The following RPTOR variants were observed in gnomAD, a reference collection of about 807,000 sequenced individuals.
RPTOR encodes the protein regulatory associated protein of MTOR complex 1, also known as regulatory-associated protein of mTOR.
Under a neutral mutation model 169.9 loss-of-function variants are expected in RPTOR, and 21 were observed. The observed-to-expected ratio is 0.12, with a 90% CI of 0.09 to 0.18. The LOEUF is 0.18. RPTOR is among the 10% of genes least tolerant of loss of function. RPTOR has a pLI of 1.00. For synonymous variants in RPTOR, 732 were observed against 753.2 expected (o/e 0.97, Z 0.46); for missense variants, 1,133 against 1,855.9 (o/e 0.61, Z 7.16).
chr17:80,820,117 C>T lies in RPTOR; in HGVS notation c.891-2084C>T, dbSNP rs1475743940. Among the ~76,000 whole-genome samples, 1 of 152,272 alleles carries T rather than the reference C, an allele frequency of 6.6e-6. No individual in the cohort carries two copies. The highest frequency in any genetic ancestry group is 1.5e-5 in the Non-Finnish European group (1 of 68,024). ...CCCGTGTCCTCCTTCCTTGCACAGT[C>T]GGGCCACTTATGTGTTTACTGATCC... On this transcript the variant is annotated intron_variant, in intron 7 of 33. Transcript: ENST00000306801. The surrounding 1 kb of genome is among the most constrained non-coding windows in gnomAD (Gnocchi z 4.1).
intron 5 of RPTOR, among the ~76,000 whole-genome samples, chr17:80,745,427 G>A (rs936528661): frequency 6.6e-6 from 1 of 152,140 alleles, no homozygotes; most frequent in Admixed American, 6.5e-5. Flanking sequence ...TCTCAGCCTG[G>A]ATGTGATAGT....
At chr17:80,897,979 C>T (rs559967876) in intron 20 of RPTOR, among the ~76,000 whole-genome samples, 1 of 152,266 alleles carries the variant, frequency 6.6e-6, no homozygotes, top group South Asian at 2.1e-4. Context: ...AGGAGTGCGC[C>T]GTCATTCCCT....
At chr17:80,879,697 C>T (rs898535035) in intron 13 of RPTOR, among the ~76,000 whole-genome samples, 6 of 152,280 alleles carry the variant, frequency 3.9e-5, no homozygotes, top group East Asian at 1.9e-4. Flanking sequence ...ACGACTGTGC[C>T]GAGCCATGGC....
chr17:80,766,546 TGGGG>T (rs2066789320), intron 6 of RPTOR, among the ~76,000 whole-genome samples: 1 of 152,210 alleles, frequency 6.6e-6, no homozygotes, highest in Admixed American at 6.5e-5. Context: ...TTAACATATC[TGGGG>T]TCCAGAAGCA....
chr17:80,853,728 C>T (rs1037514227), intron 11 of RPTOR, among the ~76,000 whole-genome samples: 2 of 152,220 alleles, frequency 1.3e-5, no homozygotes, highest in Non-Finnish European at 2.9e-5. Context: ...CCTGTAATCC[C>T]AGCACTTTGG....
intron 4 of RPTOR, among the ~76,000 whole-genome samples, chr17:80,729,149 C>T (rs748108125): frequency 2.0e-5 from 3 of 152,244 alleles, no homozygotes; most frequent in Non-Finnish European, 4.4e-5. Flanking sequence ...GACAAAGCTT[C>T]TGCAGGCTTC....
intron 21 of RPTOR, among the ~76,000 whole-genome samples, chr17:80,921,795 C>T (rs1369920053): frequency 6.6e-6 from 1 of 152,154 alleles, no homozygotes; most frequent in Non-Finnish European, 1.5e-5. Context: ...CACCACCCTG[C>T]TCCCCACCCT....
intron 2 of RPTOR, among the ~76,000 whole-genome samples, chr17:80,626,984 A>G (rs2065400712): frequency 6.6e-6 from 1 of 152,084 alleles, no homozygotes; most frequent in East Asian, 1.9e-4. Context: ...AGTAACCGCC[A>G]TTCCACCATC....
At chr17:80,849,531 T>G (rs1471082920) in intron 11 of RPTOR, among the ~76,000 whole-genome samples, 1 of 152,208 alleles carries the variant, frequency 6.6e-6, no homozygotes, top group Non-Finnish European at 1.5e-5. Flanking sequence ...ATGGTGTCTA[T>G]TTTTTTGAGA....
At chr17:80,841,152 C>A (rs1375785070) in intron 10 of RPTOR, among the ~76,000 whole-genome samples, 1 of 124,280 alleles carries the variant, frequency 8.0e-6, no homozygotes, top group Non-Finnish European at 1.6e-5. Flanking sequence ...TCACTCTCAC[C>A]GCACGGCAGC....
intron 7 of RPTOR, among the ~76,000 whole-genome samples, chr17:80,819,780 AGT>A (rs951603092): frequency 2.0e-5 from 3 of 152,184 alleles, no homozygotes; most frequent in African/African-American, 7.2e-5. Context: ...TGTAACGTAG[AGT>A]GTGGACTTTG....
chr17:80,741,093 A>T (rs2066478120), intron 5 of RPTOR, among the ~76,000 whole-genome samples: 1 of 152,342 alleles, frequency 6.6e-6, no homozygotes, highest in East Asian at 1.9e-4. Context: ...GGAATGTAAA[A>T]TGGTACGGCT....
At chr17:80,917,741 T>TC in intron 21 of RPTOR, among the ~76,000 whole-genome samples, 1 of 152,194 alleles carries the variant, frequency 6.6e-6, no homozygotes, top group Non-Finnish European at 1.5e-5. Context: ...CAGTTCTCTG[T>TC]TGCCACCGTG....
chr17:80,836,982 G>A (rs573066126), intron 9 of RPTOR, among the ~76,000 whole-genome samples: 5 of 152,192 alleles, frequency 3.3e-5, no homozygotes, highest in Admixed American at 6.5e-5. Context: ...GGCATTGGGC[G>A]CCCTGAGCAA....
intron 20 of RPTOR, among the ~76,000 whole-genome samples, chr17:80,897,867 TG>T (rs1370479627): frequency 2.6e-5 from 4 of 152,168 alleles, no homozygotes; most frequent in Admixed American, 6.5e-5. Context: ...CACTCCAGCC[TG>T]GGTAATAGAG....
At chr17:80,607,042 T>G (rs1208418419) in intron 1 of RPTOR, among the ~76,000 whole-genome samples, 1 of 152,210 alleles carries the variant, frequency 6.6e-6, no homozygotes, top group Non-Finnish European at 1.5e-5. Context: ...ACATTACTTC[T>G]TAGCAGCTGA....
At chr17:80,760,813 G>A (rs1190803389) in intron 6 of RPTOR, among the ~76,000 whole-genome samples, 2 of 148,354 alleles carry the variant, frequency 1.3e-5, no homozygotes, top group South Asian at 2.2e-4. Context: ...TAAGAGAAAC[G>A]GTTTCTAAGC....
chr17:80,633,586 GC>G lies in RPTOR; in HGVS notation c.265+7794del, dbSNP rs1752169621. On this transcript the variant is annotated intron_variant, in intron 2 of 33. Coordinates refer to ENST00000306801, the MANE Select transcript of RPTOR (RefSeq NM_020761.3). The surrounding 1 kb of genome is among the most constrained non-coding windows in gnomAD (Gnocchi z 4.1). ...CTTCACGCGGGCTGCACCAGGTGAT[GC>G]GGGGCTGTGATCTATCCATTACTGG... Among the ~76,000 whole-genome samples the G allele has an allele frequency of 6.6e-6, 1 of 152,258 alleles. No individual in the cohort carries two copies. The highest frequency in any genetic ancestry group is 1.5e-5 in the Non-Finnish European group (1 of 68,050).
Position 80,945,838 on chromosome 17 carries a change from C to T in RPTOR, c.3140+57C>T, listed in dbSNP as rs1239222312. 3.0e-6 allele frequency: 3 copies of T among 997,722 alleles called. No homozygotes were observed. The African/African-American group carries it at 5.1e-5, about 17-fold the overall frequency. 61.8% of individuals were successfully genotyped at this position (997,722 alleles called of 1,614,324 possible). A position where few individuals can be genotyped will look rare whatever the true frequency, so the allele number is the denominator to read the frequency against. ...GGCTGACCGACAGCCCCAGCGATGC[C>T]CTGTTCTCCCCCGATCACCACTCCT... On this transcript the variant is annotated intron_variant, in intron 26 of 33. Coordinates refer to ENST00000306801, the MANE Select transcript of RPTOR (RefSeq NM_020761.3).
Sources: gnomAD v4.1 joint callset for allele counts (sites outside exome capture counted in the v4.1 genomes callset) on GRCh38, gnomAD v4.1.1 for gene constraint, Gnocchi (gnomAD v3.1) non-coding constraint, MANE v1.5 for transcripts, NCBI Gene and HGNC (gene_info 2026-07-23, HGNC 2026-07-21) for gene names.